Variants in ADAMTS2 observed in about 807,000 individuals in gnomAD.
ADAMTS2 encodes the protein ADAM metallopeptidase with thrombospondin type 1 motif 2.
Under a neutral mutation model 123.0 loss-of-function variants are expected in ADAMTS2, and 50 were observed. That is an observed-to-expected ratio of 0.41 (90% CI 0.32 to 0.51). The LOEUF is 0.51. Among genes scored for constraint, ADAMTS2 ranks in the 20% least tolerant of loss-of-function variants. ADAMTS2 has a pLI of 0.35. For synonymous variants in ADAMTS2, 678 were observed against 695.4 expected (o/e 0.98, Z 0.39); for missense variants, 1,494 against 1,705.2 (o/e 0.88, Z 2.18).
chr5:179,262,570 C>T lies in ADAMTS2; in HGVS notation c.688+10341G>A, dbSNP rs79388810. 5.3e-5 allele frequency among the ~76,000 whole-genome samples: 8 copies of T among 152,298 alleles called. No homozygotes were observed. Among genetic ancestry groups the T allele is most frequent in the African/African-American group, 1.2e-4 (5 of 41,542 alleles). ...TTCCAGGTACTAGCTCTTCCTTCTG[C>T]CCCTTGGTCACGCTGCGGTAACTCC... On this transcript the variant is annotated intron_variant, in intron 3 of 21. Coordinates refer to ENST00000251582, the MANE Select transcript of ADAMTS2 (RefSeq NM_014244.5). This position sits in a 1 kb window ranked among gnomAD's most constrained non-coding sequence, Gnocchi z 5.9.
Position 179,303,947 on chromosome 5 carries a change from A to G in ADAMTS2, c.535-30883T>C, listed in dbSNP as rs992146974. ...CAGCAGAGCTTGGGGAACTGGCATCAGAAAGTTGGTTAGAAACTCCTGGGC... is the reference window on the plus strand; with the variant it reads ...CAGCAGAGCTTGGGGAACTGGCATCGGAAAGTTGGTTAGAAACTCCTGGGC... On this transcript the variant is annotated intron_variant, in intron 2 of 21. Coordinates refer to ENST00000251582, the MANE Select transcript of ADAMTS2 (RefSeq NM_014244.5). The surrounding 1 kb of genome is among the most constrained non-coding windows in gnomAD (Gnocchi z 4.7). Among the ~76,000 whole-genome samples the G allele has an allele frequency of 6.6e-6, 1 of 152,220 alleles. No individual in the cohort carries two copies. Among genetic ancestry groups the G allele is most frequent in the Non-Finnish European group, 1.5e-5 (1 of 68,034 alleles).
At chr5:179,137,561 T>C (rs540769084) in intron 12 of ADAMTS2, among the ~76,000 whole-genome samples, 1 of 152,380 alleles carries the variant, frequency 6.6e-6, no homozygotes, top group South Asian at 2.1e-4. Flanking sequence ...TGGGGTGTTC[T>C]GGTGCTCTGG....
At chr5:179,241,719 G>T (rs1461723856) in intron 3 of ADAMTS2, among the ~76,000 whole-genome samples, 1 of 152,198 alleles carries the variant, frequency 6.6e-6, no homozygotes, top group Non-Finnish European at 1.5e-5. Flanking sequence ...TGCAGGAAAA[G>T]TGTAGTCAAA....
chr5:179,245,797 A>G (rs1765787555), intron 3 of ADAMTS2, among the ~76,000 whole-genome samples: 1 of 68,326 alleles, frequency 1.5e-5, no homozygotes, highest in Non-Finnish European at 4.4e-5. Context: ...AAAAAAAAAC[A>G]AAAAAAACAA....
chr5:179,252,844 T>C (rs1385245413), intron 3 of ADAMTS2, among the ~76,000 whole-genome samples: 1 of 152,248 alleles, frequency 6.6e-6, no homozygotes, highest in Non-Finnish European at 1.5e-5. Flanking sequence ...TGGAAAAAAA[T>C]GGTTGGATTC....
At chr5:179,119,595 T>G (rs572913689) in intron 21 of ADAMTS2, among the ~76,000 whole-genome samples, 1 of 152,302 alleles carries the variant, frequency 6.6e-6, no homozygotes, top group African/African-American at 2.4e-5. Flanking sequence ...GGCAGGCCAG[T>G]TGCCCAGAGA....
intron 3 of ADAMTS2, among the ~76,000 whole-genome samples, chr5:179,251,219 G>A (rs901115596): frequency 7.9e-5 from 12 of 152,118 alleles, no homozygotes; most frequent in Admixed American, 1.3e-4. Flanking sequence ...GTGAGACAGC[G>A]TAAGTGAAAA....
rs1402070619 is a variant in ADAMTS2 at position 179,332,682 on chromosome 5, T to G, written c.534+11085A>C. On this transcript the variant is annotated intron_variant, in intron 2 of 21. Coordinates refer to ENST00000251582, the MANE Select transcript of ADAMTS2 (RefSeq NM_014244.5). The surrounding 1 kb of genome is among the most constrained non-coding windows in gnomAD (Gnocchi z 4.2). ...ATCAGTGGCCAGTGGCCAGCCATCG[T>G]GCAGAGAGGGGAGGGCAGAGGGGAG... is the stretch of plus-strand genomic sequence containing the variant. 8.5e-6 allele frequency among the ~76,000 whole-genome samples: 1 copy of G among 117,936 alleles called. No homozygotes were observed. The highest frequency in any genetic ancestry group is 2.6e-4 in the East Asian group (1 of 3,824). 77.4% of individuals were successfully genotyped at this position (117,936 alleles called of 152,430 possible). A position where few individuals can be genotyped will look rare whatever the true frequency, so the allele number is the denominator to read the frequency against.
intron 10 of ADAMTS2, chr5:179,150,864 A>G (rs572622510): frequency 1.3e-5 from 2 of 154,656 alleles, no homozygotes; most frequent in East Asian, 1.9e-4. Context: ...CAATATTGCA[A>G]ATGTACTAAA....
At chr5:179,136,187 T>A in intron 12 of ADAMTS2, 145 bp from the exon 13 acceptor site, 1 of 1,160,556 alleles carries the variant, frequency 8.6e-7, no homozygotes, top group Non-Finnish European at 1.3e-6. Flanking sequence ...AAGGGGTGGG[T>A]GACAGCAGCC....
rs575720396 is a variant in ADAMTS2 at position 179,138,770 on chromosome 5, G to A, written c.1776-826C>T. On this transcript the variant is annotated intron_variant, in intron 11 of 21. Transcript: ENST00000251582. ...GGCTGTCCCACTGCGGGATCCCTCC[G>A]CGGAGCCGTGACTGCGGGTCCTCTC... Among the ~76,000 whole-genome samples, 42 of 152,278 alleles carry A rather than the reference G, an allele frequency of 2.8e-4. 2 individuals carry two copies. The East Asian group carries it at 5.2e-3, about 19-fold the overall frequency.
At chr5:179,217,384 T>C (rs2113396816) in intron 3 of ADAMTS2, among the ~76,000 whole-genome samples, 1 of 152,348 alleles carries the variant, frequency 6.6e-6, no homozygotes, top group African/African-American at 2.4e-5. Flanking sequence ...CCTGAAATGG[T>C]TGCTCACTGC....
Position 179,122,955 on chromosome 5 carries a change from G to A in ADAMTS2, c.2959-182C>T, listed in dbSNP as rs1435208599. On this transcript the variant is annotated intron_variant, in intron 19 of 21. Coordinates refer to ENST00000251582, the MANE Select transcript of ADAMTS2 (RefSeq NM_014244.5). ...CCTCGGGGGCAGCCCCAATCTCCTG[G>A]GGCTCTAAAGAAGGGACCCACATGC... 13 of 831,252 alleles carry A rather than the reference G, an allele frequency of 1.6e-5. No individual in the cohort carries two copies. The Admixed American group carries it at 2.4e-4, about 16-fold the overall frequency. 51.5% of individuals were successfully genotyped at this position (831,252 alleles called of 1,614,324 possible). A position where few individuals can be genotyped will look rare whatever the true frequency, so the allele number is the denominator to read the frequency against.
At chr5:179,163,396 C>T (rs796723213) in intron 5 of ADAMTS2, among the ~76,000 whole-genome samples, 21 of 152,286 alleles carry the variant, frequency 1.4e-4, no homozygotes, top group African/African-American at 4.8e-4. Flanking sequence ...GAGCAACATC[C>T]GCCCAGTGCT....
At chr5:179,274,539 C>T (rs1025023894) in intron 2 of ADAMTS2, among the ~76,000 whole-genome samples, 2 of 134,448 alleles carry the variant, frequency 1.5e-5, no homozygotes, top group African/African-American at 5.6e-5. Flanking sequence ...GGAAACCACA[C>T]CCCCCCCAAA....
At chr5:179,286,841 C>A (rs985125826) in intron 2 of ADAMTS2, among the ~76,000 whole-genome samples, 4 of 152,120 alleles carry the variant, frequency 2.6e-5, no homozygotes, top group Non-Finnish European at 5.9e-5. Flanking sequence ...CTTGGCTTGT[C>A]GACAGCATCT....
chr5:179,132,738 G>A lies in ADAMTS2; in HGVS notation c.2209+39C>T. 1 of 1,613,560 alleles carries A rather than the reference G, an allele frequency of 6.2e-7. No homozygotes were observed. Among genetic ancestry groups the A allele is most frequent in the Non-Finnish European group, 8.5e-7 (1 of 1,179,660 alleles). ...CTGTCCGGGCATGAGCCTGCTGCAG[G>A]CATCCAGGCTCCAGGGTGGAGAGCA... On this transcript the variant is annotated intron_variant, in intron 14 of 21. Coordinates refer to ENST00000251582, the MANE Select transcript of ADAMTS2 (RefSeq NM_014244.5). This position sits in a 1 kb window ranked among gnomAD's most constrained non-coding sequence, Gnocchi z 6.1.
At chr5:179,211,134 G>C (rs994000311) in intron 3 of ADAMTS2, among the ~76,000 whole-genome samples, 3 of 152,228 alleles carry the variant, frequency 2.0e-5, no homozygotes, top group African/African-American at 7.2e-5. Context: ...CTCCAAGGCA[G>C]AAGAGGGCTA....
chr5:179,267,882 A>G (rs370608947), intron 3 of ADAMTS2, among the ~76,000 whole-genome samples: 2 of 152,022 alleles, frequency 1.3e-5, no homozygotes, highest in East Asian at 3.9e-4. Flanking sequence ...CCAACCAGGC[A>G]CTTCCTGAGT....
Sources: allele counts gnomAD v4.1 joint callset (sites outside exome capture counted in the v4.1 genomes callset), GRCh38; gene constraint gnomAD v4.1.1; non-coding constraint Gnocchi (gnomAD v3.1); transcripts MANE v1.5; gene names NCBI Gene and HGNC (gene_info 2026-07-23, HGNC 2026-07-21).